Variants in RANBP3 observed in about 807,000 individuals in gnomAD.
RANBP3 encodes the protein RAN binding protein 3, also known as ran-binding protein 3.
A neutral mutation model predicts 77.3 loss-of-function variants in RANBP3; 14 were observed. The ratio of observed to expected loss-of-function variants is 0.18; its 90% CI spans 0.12 to 0.28. RANBP3 has a LOEUF of 0.28. Ranked by LOEUF, RANBP3 falls within the 10% of genes least tolerant of loss-of-function variation. The pLI is 1.00. For missense variants in RANBP3, 586 were observed against 752.3 expected, an observed-to-expected ratio of 0.78 and a Z score of 2.59; for synonymous variants, 315 against 312.4, an observed-to-expected ratio of 1.01 and a Z score of -0.09.
Position 5,958,688 on chromosome 19 carries a change from G to A in RANBP3, c.23-715C>T, listed in dbSNP as rs2058364225. On this transcript the variant is annotated intron_variant, in intron 1 of 16. Coordinates refer to ENST00000340578, the MANE Select transcript of RANBP3 (RefSeq NM_007322.3). This position sits in a 1 kb window ranked among gnomAD's most constrained non-coding sequence, Gnocchi z 4.4. ...CCCGGAGTGGGTGGCAGCCCAGGAG[G>A]CCCTGCTGCCCGCACAGGAAGCACA... is the stretch of plus-strand genomic sequence containing the variant. 6.6e-6 allele frequency among the ~76,000 whole-genome samples: 1 copy of A among 152,232 alleles called. No homozygotes were observed. Among genetic ancestry groups the A allele is most frequent in the African/African-American group, 2.4e-5 (1 of 41,462 alleles).
chr19:5,972,661 C>T (rs1338528004), intron 1 of RANBP3, among the ~76,000 whole-genome samples: 2 of 152,112 alleles, frequency 1.3e-5, no homozygotes, highest in African/African-American at 2.4e-5. Flanking sequence ...TCCCCAAATG[C>T]ATCTCAACTT....
At position 5,955,801 on chromosome 19, in the gene RANBP3, G is replaced by A. The variant is rs79957284; in HGVS notation, c.78+2117C>T. On this transcript the variant is annotated intron_variant, in intron 2 of 16. Transcript: ENST00000340578. Reference sequence around the variant, plus strand: ...ACTGCTGTAGCAGCCACAGGCAACCGCAAAGGGGATAGTTGTGGCTCTGTT... The same window carrying A: ...ACTGCTGTAGCAGCCACAGGCAACCACAAAGGGGATAGTTGTGGCTCTGTT... 0.012 allele frequency among the ~76,000 whole-genome samples: 1,784 copies of A among 152,308 alleles called. 72 individuals carry two copies. In the East Asian group the frequency reaches 0.14, roughly 12 times the overall value.
chr19:5,958,320 G>C lies in RANBP3; in HGVS notation c.23-347C>G, dbSNP rs2058359800. Among the ~76,000 whole-genome samples, 1 of 152,226 alleles carries C rather than the reference G, an allele frequency of 6.6e-6. No individual in the cohort carries two copies. The highest frequency in any genetic ancestry group is 6.5e-5 in the Admixed American group (1 of 15,276). On this transcript the variant is annotated intron_variant, in intron 1 of 16. Transcript: ENST00000340578. The surrounding 1 kb of genome is among the most constrained non-coding windows in gnomAD (Gnocchi z 4.4). ...CCATGAACTGTGACCTTGCAGGAAT[G>C]TGGCACCTCCTGAATTGCAAATGTT...
At chr19:5,922,831 T>G (rs1297679587) in intron 13 of RANBP3, among the ~76,000 whole-genome samples, 1 of 152,108 alleles carries the variant, frequency 6.6e-6, no homozygotes, top group Non-Finnish European at 1.5e-5. Flanking sequence ...TCCCAGCTAC[T>G]CAGGCGACTG....
At chr19:5,963,351 A>C (rs1211770022) in intron 1 of RANBP3, among the ~76,000 whole-genome samples, 1 of 152,188 alleles carries the variant, frequency 6.6e-6, no homozygotes, top group African/African-American at 2.4e-5. Flanking sequence ...CAGGAGTTGA[A>C]GACCTGTCTG....
At chr19:5,947,425 A>G (rs1052216259) in intron 3 of RANBP3, among the ~76,000 whole-genome samples, 3 of 152,214 alleles carry the variant, frequency 2.0e-5, no homozygotes, top group South Asian at 2.1e-4. Flanking sequence ...GAAGCAGGAC[A>G]TAAGAGCCCC....
chr19:5,923,788 T>C (rs1245179197), intron 12 of RANBP3, 24 bp downstream of exon 12: 1 of 1,563,538 alleles, frequency 6.4e-7, no homozygotes, highest in Non-Finnish European at 8.8e-7. Context: ...ATGAGCCCCA[T>C]GCTGTGGTGG....
chr19:5,919,146 G>A (rs2057784768), intron 14 of RANBP3, among the ~76,000 whole-genome samples: 1 of 152,246 alleles, frequency 6.6e-6, no homozygotes, highest in South Asian at 2.1e-4. Flanking sequence ...GGTTTCCTTA[G>A]GAGAAGGCAG....
At chr19:5,929,644 C>T (rs1251545140) in intron 8 of RANBP3, among the ~76,000 whole-genome samples, 1 of 152,246 alleles carries the variant, frequency 6.6e-6, no homozygotes, top group Admixed American at 6.5e-5. Flanking sequence ...GGAGTTCCCC[C>T]ATGGGTCGCC....
At chr19:5,971,079 C>T (rs1314562599) in intron 1 of RANBP3, among the ~76,000 whole-genome samples, 11 of 152,186 alleles carry the variant, frequency 7.2e-5, no homozygotes, top group Non-Finnish European at 8.8e-5. Flanking sequence ...GGACCCTTTT[C>T]CACGCTTGTC....
At chr19:5,951,637 G>C in intron 2 of RANBP3, 41 bp from the exon 3 acceptor site, 1 of 1,566,806 alleles carries the variant, frequency 6.4e-7, no homozygotes, top group Non-Finnish European at 8.7e-7. Flanking sequence ...TGTGAATAAA[G>C]GCTGCATCAC....
Position 5,953,261 on chromosome 19 carries a change from T to C in RANBP3, c.79-1665A>G, listed in dbSNP as rs2058296722. ...TTTTCTACTCAGGTCCTAGCATTTCTCCTGGGCAGGAATCGTAAGCTCTAA... is the reference window on the plus strand; with the variant it reads ...TTTTCTACTCAGGTCCTAGCATTTCCCCTGGGCAGGAATCGTAAGCTCTAA... On this transcript the variant is annotated intron_variant, in intron 2 of 16. Transcript: ENST00000340578. Among the ~76,000 whole-genome samples the C allele has an allele frequency of 2.0e-5, 3 of 152,338 alleles. No individual in the cohort carries two copies. In the South Asian group the frequency reaches 6.2e-4, roughly 32 times the overall value.
Position 5,958,048 on chromosome 19 carries a change from A to G in RANBP3, c.23-75T>C, listed in dbSNP as rs964235908. The G allele has an allele frequency of 3.8e-6, 5 of 1,316,950 alleles. No homozygotes were observed. The Admixed American group carries it at 6.9e-5, about 18-fold the overall frequency. The allele number at this position is 1,316,950 out of a possible 1,614,324, so 81.6% of individuals were successfully genotyped here. ...GTAAACAAAGCTACACTTGTTTGTAATATGTTAAACATATATATAAATGAA... is the reference window on the plus strand; with the variant it reads ...GTAAACAAAGCTACACTTGTTTGTAGTATGTTAAACATATATATAAATGAA... On this transcript the variant is annotated intron_variant, in intron 1 of 16. Transcript: ENST00000340578. This position sits in a 1 kb window ranked among gnomAD's most constrained non-coding sequence, Gnocchi z 4.4.
intron 14 of RANBP3, among the ~76,000 whole-genome samples, chr19:5,919,854 C>T (rs1425713795): frequency 6.8e-6 from 1 of 146,586 alleles, no homozygotes; most frequent in African/African-American, 2.6e-5. Context: ...TGGGCCGAAA[C>T]GAAGCCACTG....
intron 1 of RANBP3, among the ~76,000 whole-genome samples, chr19:5,969,090 C>A (rs963243831): frequency 6.6e-6 from 1 of 152,158 alleles, no homozygotes; most frequent in African/African-American, 2.4e-5. Flanking sequence ...AAAGGAAGAG[C>A]CTGGAGGCCC....
intron 5 of RANBP3, among the ~76,000 whole-genome samples, chr19:5,939,300 C>G (rs2058104123): frequency 6.6e-6 from 1 of 152,178 alleles, no homozygotes; most frequent in African/African-American, 2.4e-5. Context: ...GCAACCAGGC[C>G]CTGCTTGCAG....
intron 2 of RANBP3, among the ~76,000 whole-genome samples, chr19:5,954,492 T>C (rs1032099790): frequency 1.3e-5 from 2 of 152,302 alleles, no homozygotes; most frequent in South Asian, 2.1e-4. Flanking sequence ...AAATGTCACA[T>C]GGGCTTAACT....
chr19:5,973,846 T>C (rs576653333), intron 1 of RANBP3, among the ~76,000 whole-genome samples: 1 of 152,320 alleles, frequency 6.6e-6, no homozygotes, highest in South Asian at 2.1e-4. Flanking sequence ...GTGGGTGTGG[T>C]TACCATTATT....
chr19:5,972,217 T>C (rs902686478), intron 1 of RANBP3, among the ~76,000 whole-genome samples: 1 of 152,200 alleles, frequency 6.6e-6, no homozygotes, highest in Non-Finnish European at 1.5e-5. Flanking sequence ...CCTGGAACCA[T>C]CTCCAATGGT....
Sources: allele counts gnomAD v4.1 joint callset (sites outside exome capture counted in the v4.1 genomes callset), GRCh38; gene constraint gnomAD v4.1.1; non-coding constraint Gnocchi (gnomAD v3.1); transcripts MANE v1.5; gene names NCBI Gene and HGNC (gene_info 2026-07-23, HGNC 2026-07-21).